The following RAD51B variants were observed in gnomAD, a reference collection of about 807,000 sequenced individuals.
RAD51B encodes the protein RAD51 paralog B.
RAD51B carries 38 observed loss-of-function variants against 42.2 expected under a neutral mutation model. The observed-to-expected ratio is 0.90, with a 90% CI of 0.70 to 1.18. The LOEUF (loss-of-function observed/expected upper bound fraction) is 1.18, where lower values mean the gene tolerates loss of function less well. RAD51B is among the 50% of genes most tolerant of loss of function. The pLI, the probability that RAD51B is intolerant of heterozygous loss-of-function variation, is 0.00. For synonymous variants in RAD51B, 154 were observed against 145.2 expected (o/e 1.06, Z -0.43); for missense variants, 373 against 400.7 (o/e 0.93, Z 0.59).
intron 8 of RAD51B, among the ~76,000 whole-genome samples, chr14:68,350,378 T>C (rs1427893227): frequency 6.6e-6 from 1 of 152,236 alleles, no homozygotes; most frequent in Admixed American, 6.5e-5. Flanking sequence ...TTGACTTTCA[T>C]GCTTACTTGG....
chr14:68,162,857 A>T (rs1257444995), intron 7 of RAD51B, among the ~76,000 whole-genome samples: 1 of 152,234 alleles, frequency 6.6e-6, no homozygotes, highest in Non-Finnish European at 1.5e-5. Context: ...TTGGATGATA[A>T]TAAGGGATTT....
chr14:68,679,818 A>G (rs183026515), intron 11 of RAD51B, among the ~76,000 whole-genome samples: 35 of 152,328 alleles, frequency 2.3e-4, no homozygotes, highest in African/African-American at 8.4e-4. Context: ...CTGATTGCCA[A>G]GTTGTAGGTG....
At chr14:67,989,295 T>C (rs2075248334) in intron 7 of RAD51B, among the ~76,000 whole-genome samples, 1 of 152,260 alleles carries the variant, frequency 6.6e-6, no homozygotes, top group Non-Finnish European at 1.5e-5. Flanking sequence ...AAAAGAAAGA[T>C]ATTTTTAAAA....
At chr14:67,826,903 G>C (rs561541419) in intron 3 of RAD51B, among the ~76,000 whole-genome samples, 61 of 152,166 alleles carry the variant, frequency 4.0e-4, no homozygotes, top group African/African-American at 1.4e-3. Context: ...GACTGTTCTT[G>C]AACTTATGAG....
At chr14:68,056,598 A>T (rs1260648225) in intron 7 of RAD51B, among the ~76,000 whole-genome samples, 1 of 151,798 alleles carries the variant, frequency 6.6e-6, no homozygotes, top group Non-Finnish European at 1.5e-5. Flanking sequence ...AAATACAAAA[A>T]ATTAGCCAGG....
intron 10 of RAD51B, among the ~76,000 whole-genome samples, chr14:68,543,144 G>A (rs1888053278): frequency 1.3e-5 from 2 of 152,134 alleles, no homozygotes; most frequent in South Asian, 4.1e-4. Flanking sequence ...TCATTGTAGT[G>A]CAAAAACAGC....
At chr14:67,896,642 A>G (rs192094463) in intron 7 of RAD51B, among the ~76,000 whole-genome samples, 178 of 152,362 alleles carry the variant, frequency 1.2e-3, no homozygotes, top group African/African-American at 4.0e-3. Context: ...ATTAAATTCA[A>G]ATAAACAGTT....
rs147118503 is a variant in RAD51B, at chr14:68,188,946, T to A, written c.757-102938T>A. 3.6e-3 allele frequency among the ~76,000 whole-genome samples: 550 copies of A among 152,120 alleles called. 1 individual carries two copies. Among genetic ancestry groups the A allele is most frequent in the Middle Eastern group, 6.8e-3 (2 of 294 alleles). On this transcript the variant is annotated intron_variant, in intron 7 of 10. Coordinates refer to ENST00000471583, the MANE Select transcript of RAD51B (RefSeq NM_133510.4). ...GCTTCTCTGCTTGGTGAAACTCGTA[T>A]GTTTATAGCTCTTTGATAAGGCTTT... is the stretch of plus-strand genomic sequence containing the variant.
At chr14:68,673,498 A>ACG (rs1893208267) in intron 11 of RAD51B, among the ~76,000 whole-genome samples, 1 of 149,218 alleles carries the variant, frequency 6.7e-6, no homozygotes, top group South Asian at 2.1e-4. Flanking sequence ...CATACTGTAC[A>ACG]CACATGTATG....
Position 67,953,742 on chromosome 14 carries a change from A to G in RAD51B, c.756+66538A>G, listed in dbSNP as rs34023155. ...TGATTGTATGTGGGAAGTGAGGGAT[A>G]AGAGAATTGGAACAATATTTGCATC... On this transcript the variant is annotated intron_variant, in intron 7 of 10. Coordinates refer to ENST00000471583, the MANE Select transcript of RAD51B (RefSeq NM_133510.4). 4.1e-3 allele frequency among the ~76,000 whole-genome samples: 624 copies of G among 152,284 alleles called. 2 individuals are homozygous for G. Among genetic ancestry groups the G allele is most frequent in the Admixed American group, 8.1e-3 (124 of 15,288 alleles).
chr14:68,135,775 G>A (rs2077994766), intron 7 of RAD51B, among the ~76,000 whole-genome samples: 1 of 152,168 alleles, frequency 6.6e-6, no homozygotes, highest in Non-Finnish European at 1.5e-5. Flanking sequence ...ATGCACAGGA[G>A]AATATGAGAT....
chr14:68,360,557 ATC>A (rs2083002696), intron 8 of RAD51B, among the ~76,000 whole-genome samples: 1 of 152,152 alleles, frequency 6.6e-6, no homozygotes, highest in Non-Finnish European at 1.5e-5. Flanking sequence ...TTTCATACTC[ATC>A]TCTAATCCTC....
rs147303858 is a variant in RAD51B, at chr14:68,328,307, A to G, written c.853+36327A>G. On this transcript the variant is annotated intron_variant, in intron 8 of 10. Coordinates refer to ENST00000471583, the MANE Select transcript of RAD51B (RefSeq NM_133510.4). The stretch of plus-strand genomic sequence containing the variant: ...ACTGTATCTTCTTAACCCTTTCTCC[A>G]CCCCTCCTTTCATTTCAACCCAACA... Among the ~76,000 whole-genome samples, 470 of 152,090 alleles carry G rather than the reference A, an allele frequency of 3.1e-3. 4 individuals are homozygous for G. Among genetic ancestry groups the G allele is most frequent in the African/African-American group, 0.011 (441 of 41,476 alleles).
rs537917489 is a variant in RAD51B, at chr14:68,505,054, C to T, written c.1036+36804C>T. On this transcript the variant is annotated intron_variant, in intron 10 of 10. Transcript: ENST00000487270. ...CGTTAAATTCCTAGCAGCTCTTTGT[C>T]ATTACGTGTTTTCTTGGGTACGAAG... Among the ~76,000 whole-genome samples the T allele has an allele frequency of 7.2e-5, 11 of 152,328 alleles. No individual in the cohort carries two copies. The South Asian group carries it at 2.3e-3, about 32-fold the overall frequency.
chr14:68,043,975 A>G (rs1390971121), intron 7 of RAD51B, among the ~76,000 whole-genome samples: 1 of 152,242 alleles, frequency 6.6e-6, no homozygotes, highest in Non-Finnish European at 1.5e-5. Flanking sequence ...TAAACTTTTT[A>G]AAGAACAGGG....
At chr14:68,436,519 A>C (rs2085153005) in intron 9 of RAD51B, among the ~76,000 whole-genome samples, 1 of 152,092 alleles carries the variant, frequency 6.6e-6, no homozygotes, top group Non-Finnish European at 1.5e-5. Context: ...TTTTGGTTCC[A>C]TGTGAATTTT....
rs553438915 is a variant in RAD51B at position 68,495,966 on chromosome 14, C to T, written c.1036+27716C>T. On this transcript the variant is annotated intron_variant, in intron 10 of 10. Coordinates refer to the RAD51B transcript ENST00000487270. Reference sequence around the variant, plus strand: ...TCACACAAAAAGGCACAAAGAGCATCCATGTACCGAAACCCAGCTTAAGAA... The same window carrying T: ...TCACACAAAAAGGCACAAAGAGCATTCATGTACCGAAACCCAGCTTAAGAA... Among the ~76,000 whole-genome samples the T allele has an allele frequency of 2.6e-5, 4 of 152,280 alleles. No individual in the cohort carries two copies. The South Asian group carries it at 8.3e-4, about 32-fold the overall frequency.
chr14:68,386,788 T>G (rs1298017313), intron 8 of RAD51B, among the ~76,000 whole-genome samples: 1 of 152,210 alleles, frequency 6.6e-6, no homozygotes, highest in Non-Finnish European at 1.5e-5. Flanking sequence ...GGAAGGTGAT[T>G]GTTTCTACCT....
At chr14:68,108,416 C>T (rs1386542194) in intron 7 of RAD51B, among the ~76,000 whole-genome samples, 1 of 151,932 alleles carries the variant, frequency 6.6e-6, no homozygotes. Context: ...TATATTTGTA[C>T]AGTGAAATAT....
Sources: gnomAD v4.1 joint callset for allele counts (sites outside exome capture counted in the v4.1 genomes callset) on GRCh38, gnomAD v4.1.1 for gene constraint, MANE v1.5 for transcripts, NCBI Gene and HGNC (gene_info 2026-07-23, HGNC 2026-07-21) for gene names.